The following TLK2 variants were observed in gnomAD, a reference collection of about 807,000 sequenced individuals.
TLK2 encodes the protein tousled like kinase 2.
TLK2 carries 6 observed loss-of-function variants against 117.3 expected under a neutral mutation model. The ratio of observed to expected loss-of-function variants is 0.05; its 90% CI spans 0.03 to 0.10. The LOEUF is 0.10. Ranked by LOEUF, TLK2 falls within the 10% of genes least tolerant of loss-of-function variation. The pLI is 1.00. For missense variants in TLK2, 299 were observed against 901.2 expected (o/e 0.33, Z 8.56); for synonymous variants, 257 against 316.7 (o/e 0.81, Z 2.00).
intron 2 of TLK2, among the ~76,000 whole-genome samples, chr17:62,507,081 A>G (rs2074756313): frequency 6.6e-6 from 1 of 152,094 alleles, no homozygotes; most frequent in Non-Finnish European, 1.5e-5. Context: ...CTGTAAACAC[A>G]TTTATTTACA....
chr17:62,491,703 A>G (rs1235863357), intron 2 of TLK2, among the ~76,000 whole-genome samples: 2 of 152,158 alleles, frequency 1.3e-5, no homozygotes, highest in African/African-American at 4.8e-5. Flanking sequence ...ATTCTGCCTC[A>G]GCCTCCCTAG....
intron 12 of TLK2, chr17:62,574,468 C>T: frequency 1.2e-6 from 1 of 830,020 alleles, no homozygotes; most frequent in South Asian, 1.5e-5. Flanking sequence ...TAAAAATGTG[C>T]ATAATGAACT....
intron 2 of TLK2, among the ~76,000 whole-genome samples, chr17:62,482,744 G>T (rs959956503): frequency 6.6e-6 from 1 of 152,142 alleles, no homozygotes; most frequent in Non-Finnish European, 1.5e-5. Flanking sequence ...GAGCCACCAC[G>T]CCCAACCAGC....
intron 2 of TLK2, among the ~76,000 whole-genome samples, chr17:62,509,425 G>T (rs1190901581): frequency 1.3e-5 from 2 of 151,778 alleles, no homozygotes; most frequent in Non-Finnish European, 2.9e-5. Context: ...TTCTCATGTT[G>T]AATAATATGA....
intron 8 of TLK2, 52 bp downstream of exon 8, chr17:62,552,449 A>G (rs757369447): frequency 4.3e-6 from 7 of 1,613,422 alleles, no homozygotes; most frequent in Non-Finnish European, 5.9e-6. Context: ...GTGTAGGAAT[A>G]AGGGCTAACC....
intron 16 of TLK2, among the ~76,000 whole-genome samples, chr17:62,593,508 A>C (rs2082231664): frequency 6.6e-6 from 1 of 152,126 alleles, no homozygotes; most frequent in Non-Finnish European, 1.5e-5. Context: ...CTTATTCTAT[A>C]AGCTTTTTTC....
At position 62,613,282 on chromosome 17, in the gene TLK2, G is replaced by T. The variant is rs1279971207; in HGVS notation, c.*717G>T. ...TCCGTCTGGTCTCCTGTTTGCAATTGCTTCCCTCATCTCAGTAGGGAAAAA... is the reference window on the plus strand; with the variant it reads ...TCCGTCTGGTCTCCTGTTTGCAATTTCTTCCCTCATCTCAGTAGGGAAAAA... On this transcript the variant is annotated 3_prime_UTR_variant, in exon 22 of 22. Transcript: ENST00000346027. The T allele has an allele frequency of 3.9e-5, 6 of 152,546 alleles. No homozygotes were observed. Among genetic ancestry groups the T allele is most frequent in the Admixed American group, 1.3e-4 (2 of 15,258 alleles). The allele number at this position is 152,546 out of a possible 1,614,324, so 9.4% of individuals were successfully genotyped here.
In TLK2 at chr17:62,573,181, T is replaced by A. The variant is rs551456102; in HGVS notation, c.969-34T>A. 864 of 1,582,232 alleles carry A rather than the reference T, an allele frequency of 5.5e-4. 16 individuals carry two copies. The South Asian group carries it at 9.8e-3, about 18-fold the overall frequency. On this transcript the variant is annotated intron_variant, in intron 11 of 21. Transcript: ENST00000346027. ...CATAGCTGTGGTAAAACTTTTGACT[T>A]TCTTTCTTTGTACAACGTCTTTTAT...
intron 7 of TLK2, among the ~76,000 whole-genome samples, chr17:62,541,489 C>T (rs920403839): frequency 1.3e-5 from 2 of 152,174 alleles, no homozygotes; most frequent in Non-Finnish European, 2.9e-5. Flanking sequence ...GCTGTATATA[C>T]ACCAATGAAA....
At chr17:62,480,268 C>T (rs1300696377) in intron 1 of TLK2, among the ~76,000 whole-genome samples, 1 of 152,200 alleles carries the variant, frequency 6.6e-6, no homozygotes, top group Non-Finnish European at 1.5e-5. Context: ...GTTTCTTTTC[C>T]ACTGTTAATA....
At chr17:62,498,052 A>AT (rs1388384896) in intron 2 of TLK2, among the ~76,000 whole-genome samples, 1 of 152,100 alleles carries the variant, frequency 6.6e-6, no homozygotes, top group Non-Finnish European at 1.5e-5. Flanking sequence ...AACCCTCATT[A>AT]TTACCTCTTG....
intron 21 of TLK2, chr17:62,612,143 C>T: frequency 2.8e-6 from 1 of 354,668 alleles, no homozygotes; most frequent in Non-Finnish European, 5.1e-6. Flanking sequence ...TTCCTTTTTC[C>T]TCCCTTCAGT....
intron 2 of TLK2, among the ~76,000 whole-genome samples, chr17:62,485,513 A>G (rs1325643997): frequency 6.6e-6 from 1 of 151,868 alleles, no homozygotes; most frequent in African/African-American, 2.4e-5. Context: ...GCATAGTGCA[A>G]ATTTTTAATT....
chr17:62,573,018 C>A, intron 11 of TLK2, 197 bp from the exon 12 acceptor site: 1 of 563,502 alleles, frequency 1.8e-6, no homozygotes, highest in Non-Finnish European at 3.2e-6. Context: ...TGTCTTAAAG[C>A]ACAGACTCAT....
At chr17:62,507,214 C>T (rs1034609606) in intron 2 of TLK2, among the ~76,000 whole-genome samples, 1 of 151,400 alleles carries the variant, frequency 6.6e-6, no homozygotes, top group Non-Finnish European at 1.5e-5. Context: ...GCAGAGGTTG[C>T]GGTCAGCCGA....
At chr17:62,516,898 T>C in intron 2 of TLK2, 1 of 644,580 alleles carries the variant, frequency 1.6e-6, no homozygotes, top group South Asian at 1.9e-5. Flanking sequence ...TGCATGTACA[T>C]ATCCAGTTTC....
At chr17:62,495,803 C>T (rs1016628942) in intron 2 of TLK2, among the ~76,000 whole-genome samples, 2 of 151,358 alleles carry the variant, frequency 1.3e-5, no homozygotes, top group Non-Finnish European at 2.9e-5. Flanking sequence ...GGATTATGGG[C>T]GCATGCTGCC....
chr17:62,508,168 G>GTTTTTTTT (rs34268998), intron 2 of TLK2, among the ~76,000 whole-genome samples: 1 of 125,754 alleles, frequency 8.0e-6, no homozygotes, highest in African/African-American at 3.0e-5. Context: ...AAATTTCCTA[G>GTTTTTTTT]TTTTTTTTTT....
chr17:62,601,897 G>A (rs2082901613), intron 18 of TLK2, 145 bp from the exon 19 acceptor site: 1 of 671,690 alleles, frequency 1.5e-6, no homozygotes, highest in Non-Finnish European at 2.4e-6. Flanking sequence ...AGTATCCAGA[G>A]TCCAGATTGC....
Sources: gnomAD v4.1 joint callset for allele counts (sites outside exome capture counted in the v4.1 genomes callset) on GRCh38, gnomAD v4.1.1 for gene constraint, MANE v1.5 for transcripts, NCBI Gene and HGNC (gene_info 2026-07-23, HGNC 2026-07-21) for gene names.